Variants in ACSBG1 observed in about 807,000 individuals in gnomAD.
The protein encoded by ACSBG1 is long-chain-fatty-acid--CoA ligase ACSBG1.
Under a neutral mutation model 80.2 loss-of-function variants are expected in ACSBG1, and 39 were observed. The ratio of observed to expected loss-of-function variants is 0.49; its 90% CI spans 0.38 to 0.64. ACSBG1 has a LOEUF of 0.64. Ranked by LOEUF, ACSBG1 falls within the 30% of genes least tolerant of loss-of-function variation. The pLI, the probability that ACSBG1 is intolerant of heterozygous loss-of-function variation, is 0.00. For missense variants in ACSBG1, 828 were observed against 966.4 expected (o/e 0.86, Z 1.90); for synonymous variants, 392 against 379.5 (o/e 1.03, Z -0.38).
chr15:78,222,815 A>C (rs1159025301), intron 1 of ACSBG1, among the ~76,000 whole-genome samples: 1 of 139,380 alleles, frequency 7.2e-6, no homozygotes, highest in Non-Finnish European at 1.7e-5. Context: ...GTACATTTTA[A>C]AGTACTGAAA....
chr15:78,203,471 G>C (rs975436253), intron 2 of ACSBG1, among the ~76,000 whole-genome samples: 3 of 152,224 alleles, frequency 2.0e-5, no homozygotes, highest in Admixed American at 2.0e-4. Context: ...GCTGAGAGCT[G>C]GGGGGTAGGC....
At chr15:78,181,702 C>T (rs1195918324) in intron 8 of ACSBG1, among the ~76,000 whole-genome samples, 2 of 152,056 alleles carry the variant, frequency 1.3e-5, no homozygotes, top group African/African-American at 4.8e-5. Context: ...ACCGTGTTAG[C>T]CAGGATGGTC....
At chr15:78,211,633 G>A (rs1040159002) in intron 1 of ACSBG1, among the ~76,000 whole-genome samples, 6 of 152,202 alleles carry the variant, frequency 3.9e-5, no homozygotes, top group Admixed American at 2.0e-4. Flanking sequence ...AACAAAGGGC[G>A]TGTTTGAGCA....
chr15:78,229,212 G>C (rs574094579), intron 1 of ACSBG1, among the ~76,000 whole-genome samples: 1 of 152,126 alleles, frequency 6.6e-6, no homozygotes, highest in Middle Eastern at 3.4e-3. Context: ...ATATTCTTCA[G>C]TGCTTAGCGC....
chr15:78,228,605 T>C (rs934116050), intron 1 of ACSBG1, among the ~76,000 whole-genome samples: 1 of 152,182 alleles, frequency 6.6e-6, no homozygotes, highest in Non-Finnish European at 1.5e-5. Flanking sequence ...TCGGAAGTTA[T>C]CCAGATCCGT....
intron 9 of ACSBG1, 125 bp downstream of exon 9, chr15:78,180,630 G>T: frequency 8.0e-7 from 1 of 1,253,864 alleles, no homozygotes; most frequent in Non-Finnish European, 1.1e-6. Context: ...GCCTCTGCAC[G>T]GGGTCTCCAG....
chr15:78,230,242 G>A (rs900250265), intron 1 of ACSBG1, among the ~76,000 whole-genome samples: 2 of 152,206 alleles, frequency 1.3e-5, no homozygotes, highest in African/African-American at 4.8e-5. Context: ...GACCCCACGG[G>A]TTTTGCCTCT....
chr15:78,208,215 C>A (rs2075234481), intron 1 of ACSBG1, 113 bp from the exon 2 acceptor site: 1 of 752,006 alleles, frequency 1.3e-6, no homozygotes. Context: ...ACACTGGCAC[C>A]TCTGTCTCCT....
At chr15:78,204,551 G>A (rs1339043170) in intron 2 of ACSBG1, among the ~76,000 whole-genome samples, 3 of 152,226 alleles carry the variant, frequency 2.0e-5, no homozygotes, top group African/African-American at 7.2e-5. Flanking sequence ...CTTGACCCCT[G>A]CGGAAAATGT....
chr15:78,215,953 A>G (rs914921069), intron 1 of ACSBG1, among the ~76,000 whole-genome samples: 1 of 152,108 alleles, frequency 6.6e-6, no homozygotes, highest in Non-Finnish European at 1.5e-5. Flanking sequence ...CGCCTATGAC[A>G]CTTTTCAAAG....
At chr15:78,189,264 G>A (rs1458799296) in intron 5 of ACSBG1, among the ~76,000 whole-genome samples, 4 of 149,850 alleles carry the variant, frequency 2.7e-5, no homozygotes, top group African/African-American at 5.0e-5. Flanking sequence ...TCAGTGTGCC[G>A]ATTCCTCAGG....
chr15:78,173,611 T>C lies in ACSBG1; in HGVS notation c.2071A>G (p.Ile691Val). 6.2e-7 allele frequency: 1 copy of C among 1,614,090 alleles called. No homozygotes were observed. The highest frequency in any genetic ancestry group is 2.2e-5 in the East Asian group (1 of 44,870). Residue 691 changes from isoleucine (I) to valine (V), a missense_variant, in exon 13 of 14, where the codon ATT becomes GTT. Transcript: ENST00000258873. ...AACCTACCCAACTCTCCACCCGAAA[T>C]GGAGAAGTCTCTCTCGAGAATGGCC... is the stretch of plus-strand genomic sequence containing the variant. The part of the protein sequence containing the change: ...KWAILERDFS[I>V]SGGELGPTMK...
At chr15:78,213,004 C>A (rs900652175) in intron 1 of ACSBG1, among the ~76,000 whole-genome samples, 16 of 152,206 alleles carry the variant, frequency 1.1e-4, no homozygotes, top group African/African-American at 3.9e-4. Flanking sequence ...ATTCACCAGC[C>A]TCCCCATCAC....
rs1430409579 is a variant in ACSBG1, at chr15:78,194,068, A to T, written c.454-48T>A. The T allele has an allele frequency of 1.9e-6, 3 of 1,579,936 alleles. No homozygotes were observed. The Admixed American group carries it at 5.0e-5, about 26-fold the overall frequency. On this transcript the variant is annotated intron_variant, in intron 3 of 13. Coordinates refer to ENST00000258873, the MANE Select transcript of ACSBG1 (RefSeq NM_015162.5). ...CCAGGTCAGCCGGGCAGGGACTGGG[A>T]CCCTCATGCCCCTCTCAGAGCCCCC...
At chr15:78,183,469 C>T (rs542373739) in intron 5 of ACSBG1, among the ~76,000 whole-genome samples, 19 of 152,074 alleles carry the variant, frequency 1.2e-4, no homozygotes, top group Non-Finnish European at 2.5e-4. Flanking sequence ...CCCAGCTACT[C>T]GGGAGACTGA....
At chr15:78,213,716 T>C (rs2075285788) in intron 1 of ACSBG1, 1 of 152,260 alleles carries the variant, frequency 6.6e-6, no homozygotes, top group South Asian at 2.1e-4. Context: ...TTTTTGGCCG[T>C]CATCCTTGGC....
Position 78,169,565 on chromosome 15 carries a change from T to C in ACSBG1, c.*1879A>G, listed in dbSNP as rs563492037. 1.3e-5 allele frequency: 2 copies of C among 152,342 alleles called. No individual in the cohort carries two copies. The highest frequency in any genetic ancestry group is 3.9e-4 in the East Asian group (2 of 5,188). The allele number at this position is 152,342 out of a possible 1,614,324, so 9.4% of individuals were successfully genotyped here. A position where few individuals can be genotyped will look rare whatever the true frequency, so the allele number is the denominator to read the frequency against. On this transcript the variant is annotated 3_prime_UTR_variant, in exon 14 of 14. Transcript: ENST00000258873. ...GGAAAATAGAGACAGATTTGTCCTT[T>C]ACAGAAATTACTGAGTGTGAATAAA...
chr15:78,179,631 A>C lies in ACSBG1; in HGVS notation c.1403T>G (p.Ile468Ser), dbSNP rs1185656531. The C allele has an allele frequency of 1.2e-6, 2 of 1,614,040 alleles. No individual in the cohort carries two copies. Among genetic ancestry groups the C allele is most frequent in the Non-Finnish European group, 1.7e-6 (2 of 1,180,040 alleles). The change falls in exon 10 of 14, where the codon ATC becomes AGC. Residue 468 changes from isoleucine (I) to serine (S), a missense_variant. By Grantham distance (142) the Ile-to-Ser change is moderately radical. Coordinates refer to ENST00000258873, the MANE Select transcript of ACSBG1 (RefSeq NM_015162.5). ...GAGGCCGTAGCCCGCATACAAGCGG[A>C]TGTTGAGACCCAGGAAGAAGTGCTG... Reference protein sequence around the residue: ...ETQHFFLGLNIRLYAGYGLSE... With the variant: ...ETQHFFLGLNSRLYAGYGLSE...
chr15:78,224,109 T>C (rs906810744), intron 1 of ACSBG1, among the ~76,000 whole-genome samples: 1 of 152,100 alleles, frequency 6.6e-6, no homozygotes, highest in African/African-American at 2.4e-5. Flanking sequence ...GCCACCAAGT[T>C]TGTGGTAATT....
Sources: gnomAD v4.1 joint callset for allele counts (sites outside exome capture counted in the v4.1 genomes callset) on GRCh38, gnomAD v4.1.1 for gene constraint, MANE v1.5 for transcripts, NCBI Gene and HGNC (gene_info 2026-07-23, HGNC 2026-07-21) for gene names.